MYH2: variants seen among roughly 807,000 people sequenced by gnomAD.
MYH2 encodes myosin heavy chain 2.
MYH2 carries 139 observed loss-of-function variants against 228.1 expected under a neutral mutation model. The observed-to-expected ratio is 0.61, with a 90% CI of 0.53 to 0.70. The LOEUF (loss-of-function observed/expected upper bound fraction) is 0.70, where lower values mean the gene tolerates loss of function less well. Among genes scored for constraint, MYH2 ranks in the 30% least tolerant of loss-of-function variants. The probability of loss-of-function intolerance (pLI) is 0.00; values close to 1 mark genes in which losing one functional copy is unlikely to be tolerated. For missense variants in MYH2, 1,809 were observed against 2,357.5 expected (o/e 0.77, Z 4.82); for synonymous variants, 796 against 871.1 (o/e 0.91, Z 1.52).
At chr17:10,534,943 C>T in intron 19 of MYH2, 130 bp downstream of exon 19, 1 of 1,183,274 alleles carries the variant, frequency 8.5e-7, no homozygotes, top group Non-Finnish European at 1.3e-6. Context: ...AGACTTGAGA[C>T]TTGTAATTTT....
chr17:10,538,908 G>T (rs938265811), intron 14 of MYH2, among the ~76,000 whole-genome samples: 2 of 151,980 alleles, frequency 1.3e-5, no homozygotes, highest in African/African-American at 2.4e-5. Flanking sequence ...AATTATTAAC[G>T]TTTCTCAGCT....
chr17:10,522,286 AT>A (rs932901877), intron 39 of MYH2, among the ~76,000 whole-genome samples: 3 of 152,174 alleles, frequency 2.0e-5, no homozygotes, highest in African/African-American at 4.8e-5. Context: ...AAAATCATCA[AT>A]TTTTTTCAGG....
chr17:10,521,192 G>T lies in MYH2; in HGVS notation c.*88C>A. 1 of 1,472,652 alleles carries T rather than the reference G, an allele frequency of 6.8e-7. No individual in the cohort carries two copies. The highest frequency in any genetic ancestry group is 9.5e-7 in the Non-Finnish European group (1 of 1,054,024). 91.2% of individuals were successfully genotyped at this position (1,472,652 alleles called of 1,614,324 possible). ...TATGCTTTATTTCCTTTGCAACAGG[G>T]TAGAATACACAATAATTACAGAGGG... On this transcript the variant is annotated 3_prime_UTR_variant, in exon 40 of 40. Coordinates refer to ENST00000245503, the MANE Select transcript of MYH2 (RefSeq NM_017534.6).
chr17:10,538,471 C>G (rs2073509024), intron 14 of MYH2, among the ~76,000 whole-genome samples: 1 of 151,912 alleles, frequency 6.6e-6, no homozygotes, highest in Non-Finnish European at 1.5e-5. Flanking sequence ...GAAACCTCGT[C>G]TCTACTAAAA....
intron 21 of MYH2, 129 bp from the exon 22 acceptor site, chr17:10,532,017 C>A (rs2073430849): frequency 2.8e-6 from 3 of 1,086,970 alleles, no homozygotes; most frequent in Non-Finnish European, 4.1e-6. Context: ...TGAAAAAATT[C>A]TATTTCGGGA....
At chr17:10,527,682 A>G (rs893703853) in intron 28 of MYH2, 66 bp downstream of exon 28, 1 of 1,610,820 alleles carries the variant, frequency 6.2e-7, no homozygotes, top group African/African-American at 1.3e-5. Context: ...CACTTCACCA[A>G]ATCAGTCCGT....
At chr17:10,540,118 T>C (rs914301772) in intron 11 of MYH2, 52 bp from the exon 12 acceptor site, 4 of 1,609,342 alleles carry the variant, frequency 2.5e-6, no homozygotes, top group Non-Finnish European at 3.4e-6. Context: ...ACACGCTTAC[T>C]GTTAATACTG....
At chr17:10,540,728 A>C in intron 10 of MYH2, 31 bp from the exon 11 acceptor site, 1 of 1,513,672 alleles carries the variant, frequency 6.6e-7, no homozygotes, top group African/African-American at 1.4e-5. Context: ...AAAGATAAAC[A>C]TAATTATCTT....
At chr17:10,535,711 A>G (rs967173739) in intron 17 of MYH2, among the ~76,000 whole-genome samples, 1 of 152,128 alleles carries the variant, frequency 6.6e-6, no homozygotes, top group Admixed American at 6.5e-5. Context: ...TCTTCTACCA[A>G]ATTCCATAGT....
intron 27 of MYH2, among the ~76,000 whole-genome samples, chr17:10,528,364 C>T (rs554087602): frequency 9.2e-5 from 14 of 152,134 alleles, no homozygotes; most frequent in Non-Finnish European, 1.5e-4. Context: ...CCTTTATGTA[C>T]GATGAAACTT....
chr17:10,527,079 C>A (rs201576634), intron 28 of MYH2, 23 bp from the exon 29 acceptor site: 2 of 1,600,774 alleles, frequency 1.2e-6, no homozygotes, highest in South Asian at 2.2e-5. Flanking sequence ...AGAAATGGCA[C>A]CATTTTTTAG....
rs1313023101 is a variant in MYH2 at position 10,525,633 on chromosome 17, T to G, written c.4372-17A>C. 2 of 1,614,106 alleles carry G rather than the reference T, an allele frequency of 1.2e-6. No individual in the cohort carries two copies. Among genetic ancestry groups the G allele is most frequent in the Middle Eastern group, 1.6e-4 (1 of 6,062 alleles). On this transcript the variant is annotated splice_polypyrimidine_tract_variant and intron_variant, in intron 31 of 39. Transcript: ENST00000245503. The surrounding 1 kb of genome is among the most constrained non-coding windows in gnomAD (Gnocchi z 4.2). ...TGCCAGGATCTGAAAAACCAAGACC[T>G]GTTACCTGCTGCAAAGACAAAAGAG...
At position 10,543,831 on chromosome 17, in the gene MYH2, C is replaced by G. The variant is rs775235463; in HGVS notation, c.649-28G>C. The G allele has an allele frequency of 5.0e-6, 8 of 1,613,712 alleles. 1 individual carries two copies. In the East Asian group the frequency reaches 1.6e-4, roughly 31 times the overall value. ...GCAAAGGCAAGAGCAGTCCTTGCAT[C>G]TGGGGCTTGGGAATTTCCTACCTGA... On this transcript the variant is annotated intron_variant, in intron 7 of 39. Transcript: ENST00000245503.
chr17:10,525,316 C>T lies in MYH2; in HGVS notation c.4570G>A (p.Glu1524Lys), dbSNP rs1444622651. Residue 1524 changes from glutamate (E) to lysine (K), a missense_variant, in exon 33 of 40, where the codon GAA becomes AAA. Glu to Lys is a moderately conservative substitution (Grantham distance 56). Coordinates refer to ENST00000245503, the MANE Select transcript of MYH2 (RefSeq NM_017534.6). This position sits in a 1 kb window ranked among gnomAD's most constrained non-coding sequence, Gnocchi z 4.2. ...AGTTCATGGATACGTTTCCCTCCTT[C>T]TGCAATCTGTTCCGTGAGGTCAGAA... ...EISDLTEQIA[E>K]GGKRIHELEK... 2.5e-6 allele frequency: 4 copies of T among 1,614,022 alleles called. No individual in the cohort carries two copies. In the East Asian group the frequency reaches 6.7e-5, roughly 27 times the overall value.
At chr17:10,548,103 A>G (rs1453095913) in intron 2 of MYH2, among the ~76,000 whole-genome samples, 163 bp from the exon 3 acceptor site, 1 of 152,164 alleles carries the variant, frequency 6.6e-6, no homozygotes, top group Admixed American at 6.5e-5. Context: ...CAAGAACGAA[A>G]ATGCATCAGG....
At chr17:10,540,822 G>C in intron 10 of MYH2, 125 bp from the exon 11 acceptor site, 1 of 737,052 alleles carries the variant, frequency 1.4e-6, no homozygotes, top group Non-Finnish European at 2.3e-6. Context: ...AGAGGGACCG[G>C]CTGAAGCCAT....
chr17:10,530,704 A>T (rs1025773216), intron 22 of MYH2, among the ~76,000 whole-genome samples: 1 of 152,216 alleles, frequency 6.6e-6, no homozygotes, highest in Admixed American at 6.5e-5. Flanking sequence ...GTAATCCTCC[A>T]TATCAGTCTT....
At chr17:10,548,519 T>G (rs1374282230) in intron 2 of MYH2, among the ~76,000 whole-genome samples, 1 of 152,242 alleles carries the variant, frequency 6.6e-6, no homozygotes, top group African/African-American at 2.4e-5. Flanking sequence ...TGAAGTTCAG[T>G]GGCTTATTGG....
chr17:10,543,954 A>G lies in MYH2; in HGVS notation c.596T>C (p.Ile199Thr), dbSNP rs2073593013. The G allele has an allele frequency of 3.7e-6, 6 of 1,614,204 alleles. No individual in the cohort carries two copies. Among genetic ancestry groups the G allele is most frequent in the Non-Finnish European group, 5.1e-6 (6 of 1,180,036 alleles). The change falls in exon 7 of 40, where the codon ATT becomes ACT. Residue 199 changes from isoleucine to threonine, a missense_variant. Ile to Thr is a moderately conservative substitution (Grantham distance 89). Transcript: ENST00000245503. The part of the protein sequence containing the change: ...TKRVIQYFAT[I>T]AVTGEKKKEE... The stretch of plus-strand genomic sequence containing the variant: ...CTTCTTCTTCTCACCAGTAACTGCA[A>G]TTGTTGCAAAGTACTGGATGACACG...
Sources: allele counts gnomAD v4.1 joint callset (sites outside exome capture counted in the v4.1 genomes callset), GRCh38; gene constraint gnomAD v4.1.1; non-coding constraint Gnocchi (gnomAD v3.1); transcripts MANE v1.5; gene names NCBI Gene and HGNC (gene_info 2026-07-23, HGNC 2026-07-21).